EBF2: variants seen among roughly 807,000 people sequenced by gnomAD.
EBF2 encodes the protein EBF transcription factor 2, also known as transcription factor COE2.
In EBF2, 21 loss-of-function variants were observed where a neutral mutation model predicts 72.8. The observed-to-expected ratio is 0.29, with a 90% confidence interval of 0.20 to 0.42. The LOEUF (loss-of-function observed/expected upper bound fraction) is 0.42. EBF2 is among the 10% of genes least tolerant of loss of function. EBF2 has a pLI of 1.00. For synonymous variants in EBF2, 299 were observed against 274.2 expected (o/e 1.09, Z -0.89); for missense variants, 637 against 731.2 (o/e 0.87, Z 1.49).
intron 14 of EBF2, 60 bp from the exon 15 acceptor site, chr8:25,850,821 T>G: frequency 6.6e-7 from 1 of 1,504,118 alleles, no homozygotes; most frequent in Non-Finnish European, 8.9e-7. Context: ...GTTCACACAT[T>G]TGGCACACAT....
rs907835369 is a variant in EBF2 at position 26,044,091 on chromosome 8, T to C, written c.131+638A>G. On this transcript the variant is annotated intron_variant, in intron 1 of 15. Transcript: ENST00000520164. The surrounding 1 kb of genome is among the most constrained non-coding windows in gnomAD (Gnocchi z 4.1). ...ATTTTCTCTTCTTTTAAATCTCTTC[T>C]TTTCTCCAGTTCCCTAGCTCCGTTC... Among the ~76,000 whole-genome samples the C allele has an allele frequency of 1.1e-4, 17 of 152,238 alleles. No individual in the cohort carries two copies. The highest frequency in any genetic ancestry group is 2.2e-4 in the Non-Finnish European group (15 of 68,044).
rs202048411 is a variant in EBF2, at chr8:25,844,230, C to CT, written c.*378dup. 6.2e-5 allele frequency: 10 copies of CT among 161,054 alleles called. No individual in the cohort carries two copies. The highest frequency in any genetic ancestry group is 6.2e-5 in the Admixed American group (1 of 16,230). The allele number at this position is 161,054 out of a possible 1,614,324, so 10.0% of individuals were successfully genotyped here. On this transcript the variant is annotated 3_prime_UTR_variant, in exon 16 of 16. Coordinates refer to ENST00000520164, the MANE Select transcript of EBF2 (RefSeq NM_022659.4). ...CTTCATAGAAAATAGAAACTTTCAA[C>CT]TTTTTTTTCCTACAAAGAAAAACAA...
chr8:26,004,774 C>T (rs996428090), intron 6 of EBF2, among the ~76,000 whole-genome samples: 17 of 149,306 alleles, frequency 1.1e-4, no homozygotes, highest in African/African-American at 3.9e-4. Context: ...TTAATCATAT[C>T]ATTTAAAAAA....
chr8:25,927,709 C>A (rs1803408890), intron 6 of EBF2, among the ~76,000 whole-genome samples: 2 of 152,032 alleles, frequency 1.3e-5, no homozygotes, highest in Non-Finnish European at 2.9e-5. Flanking sequence ...TTGGCTATGG[C>A]CTTAGAACAC....
At chr8:25,902,398 C>T (rs929202449) in intron 7 of EBF2, among the ~76,000 whole-genome samples, 10 of 152,136 alleles carry the variant, frequency 6.6e-5, no homozygotes, top group Admixed American at 4.6e-4. Context: ...TGATTTTCCG[C>T]ATGCATGACC....
At chr8:25,881,062 G>T (rs1320023702) in intron 10 of EBF2, among the ~76,000 whole-genome samples, 1 of 152,048 alleles carries the variant, frequency 6.6e-6, no homozygotes, top group African/African-American at 2.4e-5. Context: ...CCAGCACTCT[G>T]CTCCAAGCTA....
chr8:25,858,275 A>G, intron 14 of EBF2, 44 bp downstream of exon 14: 2 of 1,609,722 alleles, frequency 1.2e-6, no homozygotes, highest in Non-Finnish European at 1.7e-6. Flanking sequence ...TAAAACCCAG[A>G]GACAAAAAAG....
intron 6 of EBF2, among the ~76,000 whole-genome samples, chr8:25,912,172 G>A (rs74482892): frequency 0.042 from 6,441 of 152,192 alleles, 461 homozygotes; most frequent in African/African-American, 0.15. Context: ...CATGGGTGAC[G>A]AATCATCCTA....
At chr8:25,935,195 G>A (rs981541359) in intron 6 of EBF2, among the ~76,000 whole-genome samples, 2 of 152,116 alleles carry the variant, frequency 1.3e-5, no homozygotes, top group African/African-American at 4.8e-5. Flanking sequence ...AGGGGGAAGT[G>A]GGGGTGTTGC....
intron 6 of EBF2, among the ~76,000 whole-genome samples, chr8:25,946,079 C>T (rs967225091): frequency 6.6e-6 from 1 of 152,184 alleles, no homozygotes. Flanking sequence ...GGAAATGCCA[C>T]TGTCAGAAGT....
chr8:25,941,661 G>A (rs904785602), intron 6 of EBF2, among the ~76,000 whole-genome samples: 9 of 152,118 alleles, frequency 5.9e-5, no homozygotes, highest in Admixed American at 6.5e-5. Flanking sequence ...CCTAAGCTAC[G>A]GAGGAGTGTG....
chr8:25,967,372 T>C (rs773155953), intron 6 of EBF2, among the ~76,000 whole-genome samples: 15 of 152,130 alleles, frequency 9.9e-5, no homozygotes, highest in Non-Finnish European at 1.9e-4. Flanking sequence ...TCAATATAAA[T>C]TGAAAATATC....
chr8:25,858,005 A>G (rs2117257858), intron 14 of EBF2: 2 of 485,686 alleles, frequency 4.1e-6, no homozygotes, highest in South Asian at 3.4e-5. Flanking sequence ...AAAGTGCCTA[A>G]GAGCACACAT....
At chr8:25,985,794 GT>G (rs1248348016) in intron 6 of EBF2, among the ~76,000 whole-genome samples, 1 of 151,894 alleles carries the variant, frequency 6.6e-6, no homozygotes, top group Admixed American at 6.6e-5. Context: ...GAGCCCAGGA[GT>G]TTAAGACCAG....
At chr8:25,903,467 G>A (rs891057105) in intron 7 of EBF2, among the ~76,000 whole-genome samples, 6 of 152,146 alleles carry the variant, frequency 3.9e-5, no homozygotes, top group Non-Finnish European at 8.8e-5. Flanking sequence ...AGGCCCAGGC[G>A]GGTGGATCAC....
chr8:26,040,849 A>C (rs917723675), intron 3 of EBF2, 90 bp downstream of exon 3: 2 of 1,577,924 alleles, frequency 1.3e-6, no homozygotes, highest in Non-Finnish European at 1.7e-6. Context: ...GCTCCATGCG[A>C]TCCCTGAGAG....
intron 10 of EBF2, among the ~76,000 whole-genome samples, chr8:25,879,494 T>C (rs1198648465): frequency 6.6e-6 from 1 of 152,142 alleles, no homozygotes. Context: ...GTATCTTAGA[T>C]AGTTATGACA....
At chr8:26,004,673 C>CAAAA (rs56848916) in intron 6 of EBF2, among the ~76,000 whole-genome samples, 1 of 45,458 alleles carries the variant, frequency 2.2e-5, no homozygotes, top group African/African-American at 1.0e-4. Flanking sequence ...AGACTGTCTC[C>CAAAA]AAAAAAAAAA....
chr8:25,956,144 T>C (rs549166548), intron 6 of EBF2, among the ~76,000 whole-genome samples: 18 of 152,192 alleles, frequency 1.2e-4, no homozygotes, highest in African/African-American at 4.1e-4. Flanking sequence ...GCTGGCCGGG[T>C]TCAGTGGCTT....
Sources: gnomAD v4.1 joint callset for allele counts (sites outside exome capture counted in the v4.1 genomes callset) on GRCh38, gnomAD v4.1.1 for gene constraint, Gnocchi (gnomAD v3.1) non-coding constraint, MANE v1.5 for transcripts, NCBI Gene and HGNC (gene_info 2026-07-23, HGNC 2026-07-21) for gene names.